The following MAGI2 variants were observed in gnomAD, a reference collection of about 807,000 sequenced individuals.
MAGI2 encodes membrane associated guanylate kinase, WW and PDZ domain containing 2.
In MAGI2, 35 loss-of-function variants were observed where a neutral mutation model predicts 133.3. The observed-to-expected ratio is 0.26, with a 90% confidence interval of 0.20 to 0.35. The LOEUF (loss-of-function observed/expected upper bound fraction) is 0.35. Among genes scored for constraint, MAGI2 ranks in the 10% least tolerant of loss-of-function variants. The pLI, the probability that MAGI2 is intolerant of heterozygous loss-of-function variation, is 1.00. For missense variants in MAGI2, 1,636 were observed against 1,863.4 expected, an observed-to-expected ratio of 0.88 and a Z score of 2.25; for synonymous variants, 729 against 710.6, an observed-to-expected ratio of 1.03 and a Z score of -0.41.
intron 1 of MAGI2, among the ~76,000 whole-genome samples, chr7:79,263,255 C>T (rs747097071): frequency 2.0e-5 from 3 of 152,246 alleles, no homozygotes; most frequent in East Asian, 1.9e-4. Context: ...GCACTAAATG[C>T]TTCACGTTTA....
chr7:79,168,923 T>G (rs1562958656), intron 1 of MAGI2, among the ~76,000 whole-genome samples: 3 of 79,484 alleles, frequency 3.8e-5, no homozygotes, highest in African/African-American at 1.2e-4. Flanking sequence ...TATATATATA[T>G]ATATATATAT....
intron 1 of MAGI2, chr7:79,008,645 G>T (rs374890622): frequency 6.6e-6 from 1 of 152,152 alleles, no homozygotes; most frequent in East Asian, 1.9e-4. Flanking sequence ...TATTACATCC[G>T]GAATGGCTGA....
chr7:78,730,905 C>G (rs1289405881), intron 2 of MAGI2, among the ~76,000 whole-genome samples: 2 of 152,020 alleles, frequency 1.3e-5, no homozygotes, highest in Non-Finnish European at 2.9e-5. Context: ...TCTGAACAGC[C>G]AAAACTTTGA....
In MAGI2 at chr7:78,800,439, TA is replaced by T. The variant is rs144306886; in HGVS notation, c.419-173201del. On this transcript the variant is annotated intron_variant, in intron 2 of 21. Transcript: ENST00000354212. Reference sequence around the variant, plus strand: ...AGATGGAGGCTTAATGGAAGAGGCCTAAAAATGACTATTTCAGCTCACAATC... The same window carrying T: ...AGATGGAGGCTTAATGGAAGAGGCCTAAAATGACTATTTCAGCTCACAATC... 7.2e-3 allele frequency among the ~76,000 whole-genome samples: 1,093 copies of T among 152,192 alleles called. 38 individuals are homozygous for T. Among genetic ancestry groups the T allele is most frequent in the Admixed American group, 0.049 (743 of 15,260 alleles).
intron 1 of MAGI2, among the ~76,000 whole-genome samples, chr7:79,335,194 C>T (rs1427299077): frequency 6.6e-6 from 1 of 152,040 alleles, no homozygotes; most frequent in African/African-American, 2.4e-5. Context: ...CATAAATCAC[C>T]TTTTCTTAAC....
intron 9 of MAGI2, among the ~76,000 whole-genome samples, chr7:78,324,135 C>CTACAA (rs1788302485): frequency 7.3e-6 from 1 of 136,648 alleles, no homozygotes; most frequent in African/African-American, 3.0e-5. Context: ...ACACACTACA[C>CTACAA]TACACTACAC....
intron 1 of MAGI2, among the ~76,000 whole-genome samples, chr7:79,400,496 G>A (rs1277393346): frequency 6.6e-6 from 1 of 152,072 alleles, no homozygotes; most frequent in Non-Finnish European, 1.5e-5. Context: ...ATACTCCAAG[G>A]AATAGATGTA....
At chr7:78,451,763 A>G (rs762033393) in intron 6 of MAGI2, among the ~76,000 whole-genome samples, 10 of 152,094 alleles carry the variant, frequency 6.6e-5, no homozygotes, top group Non-Finnish European at 1.5e-4. Flanking sequence ...GGCAACACTG[A>G]TGGATGGTAA....
intron 6 of MAGI2, among the ~76,000 whole-genome samples, chr7:78,449,461 C>A (rs750270699): frequency 5.9e-5 from 9 of 151,974 alleles, no homozygotes; most frequent in Non-Finnish European, 7.4e-5. Flanking sequence ...GGGCAAACAA[C>A]AATAAATATA....
At chr7:78,924,361 T>G (rs1369497269) in intron 2 of MAGI2, among the ~76,000 whole-genome samples, 1 of 152,194 alleles carries the variant, frequency 6.6e-6, no homozygotes, top group African/African-American at 2.4e-5. Flanking sequence ...TATTTTGAGA[T>G]ACGTCCCATC....
intron 1 of MAGI2, among the ~76,000 whole-genome samples, chr7:79,359,672 AC>A: frequency 4.9e-5 from 2 of 41,200 alleles, no homozygotes; most frequent in South Asian, 2.0e-3. Flanking sequence ...AGTGGGAAAC[AC>A]ACACACACAC....
intron 1 of MAGI2, among the ~76,000 whole-genome samples, chr7:79,397,596 A>C (rs901973151): frequency 6.6e-5 from 10 of 152,156 alleles, no homozygotes; most frequent in African/African-American, 2.4e-4. Flanking sequence ...TGGTCTCCCC[A>C]TACTCTAACC....
chr7:78,025,544 C>T (rs1166317434), intron 21 of MAGI2, among the ~76,000 whole-genome samples: 1 of 151,954 alleles, frequency 6.6e-6, no homozygotes, highest in Non-Finnish European at 1.5e-5. Context: ...ACATATATTC[C>T]ACAAATAGAA....
chr7:79,171,761 TATATATATA>T (rs1486605836), intron 1 of MAGI2, among the ~76,000 whole-genome samples: 3 of 42,378 alleles, frequency 7.1e-5, no homozygotes, highest in Non-Finnish European at 1.8e-4. Flanking sequence ...TATATATATA[TATATATATA>T]TTTTTTTTTT....
chr7:78,576,087 T>G (rs1802237244), intron 3 of MAGI2, among the ~76,000 whole-genome samples: 1 of 151,652 alleles, frequency 6.6e-6, no homozygotes, highest in African/African-American at 2.4e-5. Flanking sequence ...AAATAAAAAG[T>G]TTTCATGAAA....
intron 1 of MAGI2, among the ~76,000 whole-genome samples, chr7:79,344,602 T>C (rs1428266673): frequency 6.6e-6 from 1 of 152,122 alleles, no homozygotes; most frequent in East Asian, 1.9e-4. Context: ...TTCTGGTGTG[T>C]TCAGAAGACA....
At chr7:78,212,134 G>A (rs891686824) in intron 10 of MAGI2, among the ~76,000 whole-genome samples, 1 of 152,110 alleles carries the variant, frequency 6.6e-6, no homozygotes, top group Non-Finnish European at 1.5e-5. Context: ...TTTTATACCA[G>A]TACTTCTCTA....
intron 1 of MAGI2, among the ~76,000 whole-genome samples, chr7:79,038,350 A>G (rs1246606936): frequency 6.6e-6 from 1 of 152,074 alleles, no homozygotes; most frequent in Non-Finnish European, 1.5e-5. Flanking sequence ...TTTTTTTATT[A>G]TGATGAGCTC....
At chr7:78,856,831 A>T (rs1793687486) in intron 2 of MAGI2, among the ~76,000 whole-genome samples, 1 of 152,236 alleles carries the variant, frequency 6.6e-6, no homozygotes, top group African/African-American at 2.4e-5. Context: ...GAATCTATAA[A>T]GTACCACGGG....
Sources: gnomAD v4.1 joint callset for allele counts (sites outside exome capture counted in the v4.1 genomes callset) on GRCh38, gnomAD v4.1.1 for gene constraint, MANE v1.5 for transcripts, NCBI Gene and HGNC (gene_info 2026-07-23, HGNC 2026-07-21) for gene names.